TRIM14: variants seen among roughly 807,000 people sequenced by gnomAD.
TRIM14 encodes the protein tripartite motif containing 14, also known as tripartite motif-containing protein 14.
TRIM14 carries 28 observed loss-of-function variants against 44.5 expected under a neutral mutation model. The observed-to-expected ratio is 0.63, with a 90% CI of 0.47 to 0.86. The LOEUF is 0.86. Among genes scored for constraint, TRIM14 ranks in the 40% least tolerant of loss-of-function variants. The probability of loss-of-function intolerance (pLI) is 0.00; values close to 1 mark genes in which losing one functional copy is unlikely to be tolerated. For synonymous variants in TRIM14, 299 were observed against 269.2 expected (o/e 1.11, Z -1.08); for missense variants, 607 against 611.1 (o/e 0.99, Z 0.07).
the TRIM14 span, among the ~76,000 whole-genome samples, chr9:98,063,711 A>T: frequency 6.7e-6 from 1 of 149,510 alleles, no homozygotes; most frequent in East Asian, 2.0e-4. Flanking sequence ...TTGGCTAATT[A>T]AAAAAAAAAT....
rs1370607804 is a variant in TRIM14, at chr9:98,109,277, A to G, written c.303+612T>C. ...GGGAGCAACAGAGGATGAAAGGGGGAGGGAGCAACAGGATGAAAGGGGGAG... is the reference window on the plus strand; with the variant it reads ...GGGAGCAACAGAGGATGAAAGGGGGGGGGAGCAACAGGATGAAAGGGGGAG... On this transcript the variant is annotated intron_variant, in intron 2 of 5. Transcript: ENST00000341469. Among the ~76,000 whole-genome samples, 4 of 126,576 alleles carry G rather than the reference A, an allele frequency of 3.2e-5. No individual in the cohort carries two copies. In the East Asian group the frequency reaches 7.8e-4, roughly 25 times the overall value. The allele number at this position is 126,576 out of a possible 152,430, so 83.0% of individuals were successfully genotyped here.
chr9:98,054,349 A>G, the TRIM14 span, among the ~76,000 whole-genome samples: 1 of 152,222 alleles, frequency 6.6e-6, no homozygotes, highest in Non-Finnish European at 1.5e-5. Flanking sequence ...TCTCCATCTG[A>G]GAAGTCTCCC....
downstream of TRIM14, chr9:98,081,816 TG>T (rs970455747): frequency 6.6e-6 from 1 of 152,190 alleles, no homozygotes; most frequent in Non-Finnish European, 1.5e-5. Flanking sequence ...TTTATTCTAG[TG>T]GGGCCTACCT....
downstream of TRIM14, among the ~76,000 whole-genome samples, chr9:98,083,456 T>C (rs1169564015): frequency 1.3e-5 from 2 of 152,216 alleles, no homozygotes; most frequent in African/African-American, 4.8e-5. Flanking sequence ...ATTGTCTTTA[T>C]CCCTTTCCTG....
chr9:98,063,293 G>A, the TRIM14 span, among the ~76,000 whole-genome samples: 1 of 152,086 alleles, frequency 6.6e-6, no homozygotes, highest in Non-Finnish European at 1.5e-5. Context: ...CCAGGCTGGA[G>A]TGGAGTGGTG....
intron 1 of TRIM14, chr9:98,110,250 C>T (rs1331790928): frequency 1.4e-5 from 6 of 425,702 alleles, no homozygotes; most frequent in Non-Finnish European, 2.6e-5. Context: ...ACAAGTCTTG[C>T]CTGTGACTTG....
intron 2 of TRIM14, among the ~76,000 whole-genome samples, chr9:98,105,396 T>C (rs947922541): frequency 6.6e-6 from 1 of 152,010 alleles, no homozygotes; most frequent in African/African-American, 2.4e-5. Context: ...CTGGCCAACA[T>C]AGTGAAACCC....
chr9:98,057,040 T>C, the TRIM14 span: 1 of 1,387,520 alleles, frequency 7.2e-7, no homozygotes, highest in East Asian at 2.7e-5. Flanking sequence ...CTGGGTACCC[T>C]GGTCCGGCCT....
chr9:98,038,779 G>A, the TRIM14 span, among the ~76,000 whole-genome samples: 2 of 152,122 alleles, frequency 1.3e-5, no homozygotes, highest in Admixed American at 1.3e-4. Context: ...GGCCAGGTGT[G>A]GTGGCTCATG....
chr9:98,076,923 A>C (rs761437819), intron 6 of TRIM14: 1 of 1,609,870 alleles, frequency 6.2e-7, no homozygotes, highest in South Asian at 1.1e-5. Flanking sequence ...TGTAGATGGC[A>C]GTTGAATTCC....
At position 98,087,775 on chromosome 9, in the gene TRIM14, C is replaced by G. The variant is rs764667150; in HGVS notation, c.1024G>C (p.Ala342Pro). The G allele has an allele frequency of 7.9e-6, 12 of 1,512,480 alleles. No homozygotes were observed. The African/African-American group carries it at 1.4e-4, about 18-fold the overall frequency. 93.7% of individuals were successfully genotyped at this position (1,512,480 alleles called of 1,614,324 possible). The change falls in exon 6 of 6, where the codon GCC (alanine) becomes CCC (proline). Residue 342 changes from alanine to proline, a missense_variant. Coordinates refer to ENST00000341469, the MANE Select transcript of TRIM14 (RefSeq NM_014788.4). ...GAGWWVGAAY[A>P]SLRRRGASAA... Reference sequence around the variant, plus strand: ...GAGGCCCCGCGGCGCCGAAGGGAGGCGTAGGCCGCGCCCACCCACCAGCCG... The same window carrying G: ...GAGGCCCCGCGGCGCCGAAGGGAGGGGTAGGCCGCGCCCACCCACCAGCCG...
intron 1 of TRIM14, among the ~76,000 whole-genome samples, chr9:98,114,646 C>T (rs188640898): frequency 1.6e-3 from 242 of 152,150 alleles, no homozygotes; most frequent in Non-Finnish European, 1.8e-3. Context: ...TACTTTGATT[C>T]TTTTAAAAAA....
At chr9:98,118,070 C>G (rs559435311) in intron 1 of TRIM14, among the ~76,000 whole-genome samples, 1 of 152,014 alleles carries the variant, frequency 6.6e-6, no homozygotes, top group Non-Finnish European at 1.5e-5. Context: ...CATGCAGTAC[C>G]GGAGAAAGGC....
At chr9:98,107,618 G>C (rs900360538) in intron 2 of TRIM14, among the ~76,000 whole-genome samples, 14 of 152,066 alleles carry the variant, frequency 9.2e-5, no homozygotes, top group Non-Finnish European at 7.3e-5. Context: ...CCAGGGGTTA[G>C]GGATTGGTCG....
At chr9:98,069,128 A>T (rs1317308500), downstream of TRIM14, 1 of 152,212 alleles carries the variant, frequency 6.6e-6, no homozygotes, top group East Asian at 1.9e-4. Flanking sequence ...TTCATACAAA[A>T]ACCTGTATGT....
At chr9:98,112,450 G>T (rs1404132535) in intron 1 of TRIM14, among the ~76,000 whole-genome samples, 1 of 152,150 alleles carries the variant, frequency 6.6e-6, no homozygotes, top group African/African-American at 2.4e-5. Flanking sequence ...ATTCTAGAAG[G>T]TCTGTGGAAG....
chr9:98,115,627 G>T (rs532057986), intron 1 of TRIM14, among the ~76,000 whole-genome samples: 28 of 151,904 alleles, frequency 1.8e-4, no homozygotes, highest in African/African-American at 6.0e-4. Context: ...CAACTGATCC[G>T]CCCACCACAG....
At chr9:98,051,517 A>G in the TRIM14 span, among the ~76,000 whole-genome samples, 3 of 133,508 alleles carry the variant, frequency 2.2e-5, no homozygotes, top group Non-Finnish European at 4.6e-5. Context: ...TTACAGTAGA[A>G]CCTGCTATAG....
chr9:98,073,215 A>G (rs1564161376), intron 6 of TRIM14, among the ~76,000 whole-genome samples: 1 of 126,790 alleles, frequency 7.9e-6, no homozygotes, highest in Non-Finnish European at 1.6e-5. Flanking sequence ...GGCCCAGCCT[A>G]TTTGTGGCTA....
Sources: gnomAD v4.1 joint callset for allele counts (sites outside exome capture counted in the v4.1 genomes callset) on GRCh38, gnomAD v4.1.1 for gene constraint, MANE v1.5 for transcripts, NCBI Gene and HGNC (gene_info 2026-07-23, HGNC 2026-07-21) for gene names.